The following THRA variants were observed in gnomAD, a reference collection of about 807,000 sequenced individuals.
THRA encodes the protein thyroid hormone receptor alpha, also known as EAR-7.
THRA carries 13 observed loss-of-function variants against 45.0 expected under a neutral mutation model. The observed-to-expected ratio is 0.29, with a 90% confidence interval of 0.19 to 0.46. The LOEUF is 0.46. Among genes scored for constraint, THRA ranks in the 20% least tolerant of loss-of-function variants. The pLI is 1.00. For missense variants in THRA, 278 were observed against 556.1 expected, an observed-to-expected ratio of 0.50 and a Z score of 5.03; for synonymous variants, 195 against 214.0, an observed-to-expected ratio of 0.91 and a Z score of 0.78.
rs1041937313 is a variant in THRA, at chr17:40,090,895, G to T, written c.*1439G>T. 1 of 152,280 alleles carries T rather than the reference G, an allele frequency of 6.6e-6. No homozygotes were observed. The highest frequency in any genetic ancestry group is 1.5e-5 in the Non-Finnish European group (1 of 68,122). The allele number at this position is 152,280 out of a possible 1,614,324, so 9.4% of individuals were successfully genotyped here. A position where few individuals can be genotyped will look rare whatever the true frequency, so the allele number is the denominator to read the frequency against. On this transcript the variant is annotated 3_prime_UTR_variant, in exon 9 of 9. Transcript: ENST00000450525. Reference sequence around the variant, plus strand: ...GAGCCCCTCTCGCCCTCCTGGTGAGGGTGCTCTGTTGGTCTGCACTTGGGT... The same window carrying T: ...GAGCCCCTCTCGCCCTCCTGGTGAGTGTGCTCTGTTGGTCTGCACTTGGGT...
chr17:40,089,561 C>A lies in THRA; in HGVS notation c.*105C>A. 1 of 1,486,062 alleles carries A rather than the reference C, an allele frequency of 6.7e-7. No individual in the cohort carries two copies. The highest frequency in any genetic ancestry group is 8.9e-7 in the Non-Finnish European group (1 of 1,121,800). The allele number at this position is 1,486,062 out of a possible 1,614,324, so 92.1% of individuals were successfully genotyped here. ...ACCCCCCCACACCCCTTCTCTCCTT[C>A]CTCTCGTCCTTGGATAGATTCAGCT... On this transcript the variant is annotated 3_prime_UTR_variant, in exon 9 of 9. Transcript: ENST00000450525. The surrounding 1 kb of genome is among the most constrained non-coding windows in gnomAD (Gnocchi z 6.1).
Position 40,089,464 on chromosome 17 carries a change from G to GGC in THRA, c.*10_*11dup. 2 of 1,613,730 alleles carry GGC rather than the reference G, an allele frequency of 1.2e-6. No homozygotes were observed. Among genetic ancestry groups the GGC allele is most frequent in the Non-Finnish European group, 1.7e-6 (2 of 1,179,820 alleles). On this transcript the variant is annotated 3_prime_UTR_variant, in exon 9 of 9. Transcript: ENST00000450525. This position sits in a 1 kb window ranked among gnomAD's most constrained non-coding sequence, Gnocchi z 6.1. ...GAGGATCAGGAAGTCTAAAGCCTCAGGCGGCCAGAGGGTGTGCGGAGCTGG... is the reference window on the plus strand; with the variant it reads ...GAGGATCAGGAAGTCTAAAGCCTCAGGCGCGGCCAGAGGGTGTGCGGAGCTGG...
downstream of THRA, chr17:40,093,771 C>T (rs933109275): frequency 1.8e-5 from 13 of 739,306 alleles, no homozygotes; most frequent in African/African-American, 1.9e-4. This position sits in a 1 kb window ranked among gnomAD's most constrained non-coding sequence, Gnocchi z 5.9. Flanking sequence ...AGTCTGTTTC[C>T]CAAGCTAGAC....
chr17:40,084,631 G>T lies in THRA; in HGVS notation c.392G>T (p.Arg131Leu). 6.2e-7 allele frequency: 1 copy of T among 1,614,080 alleles called. No homozygotes were observed. Among genetic ancestry groups the T allele is most frequent in the Non-Finnish European group, 8.5e-7 (1 of 1,180,022 alleles). ...ACAGTGGTTCTAGATGACTCGAAGC[G>T]GGTGGCCAAGCGTAAGCTGATTGAG... ...AMDLVLDDSK[R>L]VAKRKLIEQN... Residue 131 changes from arginine to leucine, a missense_variant, in exon 6 of 9, where the codon CGG (arginine) becomes CTG (leucine). Arg to Leu is a moderately radical substitution (Grantham distance 102). Around this residue, in one of 6 missense-constraint regions of THRA, gnomAD observed 111 missense variants for 167.1 expected, o/e 0.66. Transcript: ENST00000450525.
intron 1 of THRA, among the ~76,000 whole-genome samples, chr17:40,066,819 C>A (rs1002581968): frequency 6.6e-6 from 1 of 152,240 alleles, no homozygotes; most frequent in Non-Finnish European, 1.5e-5. Flanking sequence ...AGCTCTGTCA[C>A]TTGCTGGATG....
chr17:40,081,680 G>A (rs923225375), intron 4 of THRA, among the ~76,000 whole-genome samples: 3 of 151,910 alleles, frequency 2.0e-5, no homozygotes, highest in East Asian at 1.9e-4. Context: ...AAATAAAGGC[G>A]AGGCTGGGTG....
Position 40,074,559 on chromosome 17 carries a change from T to C in THRA, c.53+18T>C, listed in dbSNP as rs1986885156. The C allele has an allele frequency of 3.1e-6, 5 of 1,613,892 alleles. No homozygotes were observed. In the East Asian group the frequency reaches 1.1e-4, roughly 36 times the overall value. On this transcript the variant is annotated intron_variant, in intron 2 of 8. Transcript: ENST00000450525. ...GAGAACAGGTAATGGGTTCAGCAAC[T>C]AGGTCATGCCAACTCCTAAGCAGCA...
At chr17:40,070,415 C>T (rs1986733494) in intron 1 of THRA, among the ~76,000 whole-genome samples, 1 of 152,306 alleles carries the variant, frequency 6.6e-6, no homozygotes, top group Admixed American at 6.5e-5. Flanking sequence ...CAGGGAGTCC[C>T]GGTCCTAGAG....
rs1987527473 is a variant in THRA at position 40,091,233 on chromosome 17, C to CACACAT, written c.*1782_*1783insTACACA. 5.5e-5 allele frequency: 3 copies of CACACAT among 54,154 alleles called. No individual in the cohort carries two copies. In the East Asian group the frequency reaches 9.3e-4, roughly 17 times the overall value. The allele number at this position is 54,154 out of a possible 1,614,324, so 3.4% of individuals were successfully genotyped here. On this transcript the variant is annotated 3_prime_UTR_variant, in exon 9 of 9. Coordinates refer to ENST00000450525, the MANE Select transcript of THRA (RefSeq NM_199334.5). ...ACCCTCAGCCTGCCACAGCCCCCTA[C>CACACAT]ACACACACACACACACACACACACA...
At chr17:40,065,935 G>A (rs1384574855) in intron 1 of THRA, among the ~76,000 whole-genome samples, 2 of 152,190 alleles carry the variant, frequency 1.3e-5, no homozygotes, top group South Asian at 2.1e-4. Context: ...GAAAAGAACC[G>A]CCCCCATGGG....
intron 6 of THRA, among the ~76,000 whole-genome samples, chr17:40,086,173 A>C (rs571482657): frequency 6.2e-4 from 94 of 152,288 alleles, no homozygotes; most frequent in African/African-American, 2.2e-3. Context: ...AGGAAGGCAG[A>C]AAACCAGCAC....
chr17:40,086,454 C>T (rs1187266501), intron 6 of THRA, among the ~76,000 whole-genome samples: 1 of 152,114 alleles, frequency 6.6e-6, no homozygotes, highest in African/African-American at 2.4e-5. Flanking sequence ...AGCCTGATGC[C>T]TGATCATATA....
At position 40,089,786 on chromosome 17, in the gene THRA, G is replaced by A; in HGVS notation, c.*330G>A. ...GGGACAAGCCACCTTGACCGTAGGG[G>A]AAGGAGGAATGTGGGCTGGGGGAAG... On this transcript the variant is annotated 3_prime_UTR_variant, in exon 9 of 9. Coordinates refer to ENST00000450525, the MANE Select transcript of THRA (RefSeq NM_199334.5). The surrounding 1 kb of genome is among the most constrained non-coding windows in gnomAD (Gnocchi z 6.1). The A allele has an allele frequency of 8.6e-7, 1 of 1,167,642 alleles. No individual in the cohort carries two copies. Among genetic ancestry groups the A allele is most frequent in the Non-Finnish European group, 1.1e-6 (1 of 938,006 alleles). 72.3% of individuals were successfully genotyped at this position (1,167,642 alleles called of 1,614,324 possible). A position where few individuals can be genotyped will look rare whatever the true frequency, so the allele number is the denominator to read the frequency against.
At chr17:40,085,354 G>C (rs1242258622) in intron 6 of THRA, among the ~76,000 whole-genome samples, 1 of 143,898 alleles carries the variant, frequency 6.9e-6, no homozygotes, top group Non-Finnish European at 1.5e-5. Context: ...TTTTTTTTTT[G>C]ATACGGAGTC....
At position 40,091,370 on chromosome 17, in the gene THRA, T is replaced by G. The variant is rs896798157; in HGVS notation, c.*1914T>G. The G allele has an allele frequency of 2.6e-5, 4 of 152,738 alleles. No homozygotes were observed. Among genetic ancestry groups the G allele is most frequent in the African/African-American group, 9.7e-5 (4 of 41,414 alleles). The allele number at this position is 152,738 out of a possible 1,614,324, so 9.5% of individuals were successfully genotyped here. A position where few individuals can be genotyped will look rare whatever the true frequency, so the allele number is the denominator to read the frequency against. On this transcript the variant is annotated 3_prime_UTR_variant, in exon 9 of 9. Coordinates refer to ENST00000450525, the MANE Select transcript of THRA (RefSeq NM_199334.5). ...GGTGTTCCAACAGGGGTGGAGGGCC[T>G]GGAGGAGCACCCGCTGTCACCTGTG...
downstream of THRA, chr17:40,093,359 G>A (rs926639839): frequency 1.2e-6 from 2 of 1,611,796 alleles, no homozygotes; most frequent in East Asian, 2.2e-5. The surrounding 1 kb of genome is among the most constrained non-coding windows in gnomAD (Gnocchi z 5.9). Flanking sequence ...CGAGGACCTG[G>A]CAGGCAATGC....
At chr17:40,093,833 GAGT>G, downstream of THRA, 1 of 1,322,012 alleles carries the variant, frequency 7.6e-7, no homozygotes, top group Non-Finnish European at 1.1e-6. This position sits in a 1 kb window ranked among gnomAD's most constrained non-coding sequence, Gnocchi z 5.9. Context: ...GCCTGGCATA[GAGT>G]AGGTACTCCA....
At chr17:40,074,994 A>C (rs1986901179) in intron 2 of THRA, among the ~76,000 whole-genome samples, 1 of 152,270 alleles carries the variant, frequency 6.6e-6, no homozygotes, top group Non-Finnish European at 1.5e-5. Context: ...ACTATTGGTC[A>C]TAGCCCAAGC....
At chr17:40,063,288 G>T (rs1381854832) in intron 1 of THRA, among the ~76,000 whole-genome samples, 196 bp downstream of exon 1, 1 of 152,144 alleles carries the variant, frequency 6.6e-6, no homozygotes, top group Non-Finnish European at 1.5e-5. Context: ...CCTGGGGAAG[G>T]GAGGTGTTGC....
Sources: allele counts gnomAD v4.1 joint callset (sites outside exome capture counted in the v4.1 genomes callset), GRCh38; gene constraint gnomAD v4.1.1; regional missense constraint gnomAD v4.1.1; non-coding constraint Gnocchi (gnomAD v3.1); transcripts MANE v1.5; gene names NCBI Gene and HGNC (gene_info 2026-07-23, HGNC 2026-07-21).